The following TMEM108 variants were observed in gnomAD, a reference collection of about 807,000 sequenced individuals.
The protein encoded by TMEM108 is transmembrane protein 108, also known as cancer/testis antigen 124.
A neutral mutation model predicts 35.1 loss-of-function variants in TMEM108; 12 were observed. The observed-to-expected ratio is 0.34, with a 90% CI of 0.22 to 0.55. TMEM108 has a LOEUF of 0.55. Ranked by LOEUF, TMEM108 falls within the 20% of genes least tolerant of loss-of-function variation. The pLI, the probability that TMEM108 is intolerant of heterozygous loss-of-function variation, is 0.89. For missense variants in TMEM108, 680 were observed against 753.3 expected, an observed-to-expected ratio of 0.90 and a Z score of 1.14; for synonymous variants, 287 against 308.6, an observed-to-expected ratio of 0.93 and a Z score of 0.73.
At chr3:133,173,311 G>A (rs1316237667) in intron 2 of TMEM108, among the ~76,000 whole-genome samples, 15 of 152,332 alleles carry the variant, frequency 9.8e-5, no homozygotes, top group South Asian at 8.3e-4. Context: ...GGGTTGGAGG[G>A]AGCCTATGTA....
intron 2 of TMEM108, among the ~76,000 whole-genome samples, chr3:133,077,160 G>A (rs1354650002): frequency 6.6e-6 from 1 of 152,222 alleles, no homozygotes; most frequent in Non-Finnish European, 1.5e-5. Context: ...GTAAGCAAGT[G>A]GGTACCTGGC....
chr3:133,228,431 C>G (rs1230114513), intron 2 of TMEM108, among the ~76,000 whole-genome samples: 3 of 152,002 alleles, frequency 2.0e-5, no homozygotes, highest in Non-Finnish European at 4.4e-5. Flanking sequence ...TTCTAATATA[C>G]TAGTATTGGT....
chr3:133,188,774 T>A (rs1438422010), intron 2 of TMEM108, among the ~76,000 whole-genome samples: 1 of 152,118 alleles, frequency 6.6e-6, no homozygotes, highest in Non-Finnish European at 1.5e-5. Flanking sequence ...ATAATAAAAA[T>A]TTATTTATTG....
chr3:133,342,544 G>A (rs1244231049), intron 3 of TMEM108, among the ~76,000 whole-genome samples: 22 of 46,652 alleles, frequency 4.7e-4, no homozygotes, highest in African/African-American at 1.2e-3. Context: ...AGAAAATGTG[G>A]TATATATATA....
intron 3 of TMEM108, among the ~76,000 whole-genome samples, chr3:133,375,934 G>A (rs116023792): frequency 0.012 from 1,847 of 152,210 alleles, 18 homozygotes; most frequent in South Asian, 0.021. Flanking sequence ...TCATCCTCCA[G>A]GTAAAAATCC....
At chr3:133,277,914 G>A (rs1946861109) in intron 3 of TMEM108, among the ~76,000 whole-genome samples, 1 of 152,182 alleles carries the variant, frequency 6.6e-6, no homozygotes, top group South Asian at 2.1e-4. Flanking sequence ...CTCAGGCTCT[G>A]CCCCATTTGA....
At chr3:133,273,429 A>G (rs1017681160) in intron 3 of TMEM108, among the ~76,000 whole-genome samples, 12 of 152,098 alleles carry the variant, frequency 7.9e-5, no homozygotes, top group Non-Finnish European at 1.6e-4. Context: ...ATTATTTCCT[A>G]TTGATAGTCA....
chr3:133,375,472 TATGCAAATCC>T (rs1188927739), intron 3 of TMEM108, among the ~76,000 whole-genome samples: 1 of 152,204 alleles, frequency 6.6e-6, no homozygotes, highest in Admixed American at 6.5e-5. Flanking sequence ...TAGAGTCCAT[TATGCAAATCC>T]ATGCAAATAA....
intron 2 of TMEM108, among the ~76,000 whole-genome samples, chr3:133,079,698 G>T (rs915438252): frequency 6.6e-6 from 1 of 152,144 alleles, no homozygotes; most frequent in African/African-American, 2.4e-5. Context: ...CAAACATTCT[G>T]TTTATGGCAG....
At chr3:133,212,791 G>A (rs1576386295) in intron 2 of TMEM108, among the ~76,000 whole-genome samples, 1 of 151,266 alleles carries the variant, frequency 6.6e-6, no homozygotes, top group Non-Finnish European at 1.5e-5. Flanking sequence ...GCTTGAACTC[G>A]GGCGGCGGAG....
chr3:133,103,710 AC>A (rs1944116388), intron 2 of TMEM108, among the ~76,000 whole-genome samples: 1 of 152,164 alleles, frequency 6.6e-6, no homozygotes, highest in Non-Finnish European at 1.5e-5. Flanking sequence ...GCCTTCAGTA[AC>A]CAGTGCAACA....
chr3:133,182,131 A>T (rs1945355079), intron 2 of TMEM108, among the ~76,000 whole-genome samples: 1 of 152,206 alleles, frequency 6.6e-6, no homozygotes, highest in Admixed American at 6.5e-5. Context: ...AGATGTGTCA[A>T]GATTAATAAT....
Position 133,396,757 on chromosome 3 carries a change from C to A in TMEM108, c.*771C>A, listed in dbSNP as rs983715087. 2 of 152,162 alleles carry A rather than the reference C, an allele frequency of 1.3e-5. No homozygotes were observed. The highest frequency in any genetic ancestry group is 4.8e-5 in the African/African-American group (2 of 41,438). The allele number at this position is 152,162 out of a possible 1,614,324, so 9.4% of individuals were successfully genotyped here. A position where few individuals can be genotyped will look rare whatever the true frequency, so the allele number is the denominator to read the frequency against. ...CTGCATTAAACACCCGTGCCTTTCT[C>A]TTGGAGAGGGTTTAGATGCAGATCC... On this transcript the variant is annotated 3_prime_UTR_variant, in exon 6 of 6. Coordinates refer to ENST00000321871, the MANE Select transcript of TMEM108 (RefSeq NM_023943.4).
chr3:133,344,484 T>C (rs928694594), intron 3 of TMEM108, among the ~76,000 whole-genome samples: 7 of 151,658 alleles, frequency 4.6e-5, no homozygotes, highest in Non-Finnish European at 1.0e-4. Context: ...AAAAGATATA[T>C]ATCCTTCCAG....
At chr3:133,306,440 A>G (rs2071039173) in intron 3 of TMEM108, among the ~76,000 whole-genome samples, 1 of 152,126 alleles carries the variant, frequency 6.6e-6, no homozygotes, top group Non-Finnish European at 1.5e-5. Flanking sequence ...ATAGGTATAC[A>G]TGTGCCATGT....
At chr3:133,209,858 C>T (rs966609236) in intron 2 of TMEM108, among the ~76,000 whole-genome samples, 4 of 152,108 alleles carry the variant, frequency 2.6e-5, no homozygotes, top group African/African-American at 9.7e-5. Flanking sequence ...TGGCTTCCCA[C>T]ACCCTCTTCA....
intron 3 of TMEM108, among the ~76,000 whole-genome samples, chr3:133,312,584 A>C (rs1232333960): frequency 1.3e-5 from 2 of 152,254 alleles, no homozygotes; most frequent in African/African-American, 4.8e-5. Context: ...GACCATGTGA[A>C]AAGCGCAGTA....
chr3:133,182,470 A>AGGGAATCCT (rs1306234810), intron 2 of TMEM108, among the ~76,000 whole-genome samples: 3 of 152,158 alleles, frequency 2.0e-5, no homozygotes, highest in Non-Finnish European at 4.4e-5. Context: ...AAACATGAGA[A>AGGGAATCCT]GGGAATCCTG....
intron 2 of TMEM108, among the ~76,000 whole-genome samples, chr3:133,086,515 G>A (rs1004830450): frequency 6.6e-6 from 1 of 152,022 alleles, no homozygotes; most frequent in Non-Finnish European, 1.5e-5. Context: ...TTAAGTATAA[G>A]ACAAATACAA....
Sources: gnomAD v4.1 joint callset for allele counts (sites outside exome capture counted in the v4.1 genomes callset) on GRCh38, gnomAD v4.1.1 for gene constraint, MANE v1.5 for transcripts, NCBI Gene and HGNC (gene_info 2026-07-23, HGNC 2026-07-21) for gene names.